The following EVI5 variants were observed in gnomAD, a reference collection of about 807,000 sequenced individuals.
EVI5 encodes ecotropic viral integration site 5.
A neutral mutation model predicts 112.0 loss-of-function variants in EVI5; 73 were observed. That is an observed-to-expected ratio of 0.65 (90% CI 0.54 to 0.79). EVI5 has a LOEUF of 0.79. Ranked by LOEUF, EVI5 falls within the 30% of genes least tolerant of loss-of-function variation. EVI5 has a pLI of 0.00. For missense variants in EVI5, 900 were observed against 968.8 expected, an observed-to-expected ratio of 0.93 and a Z score of 0.94; for synonymous variants, 305 against 319.9, an observed-to-expected ratio of 0.95 and a Z score of 0.50.
chr1:92,689,946 G>A (rs1195829341), intron 9 of EVI5, among the ~76,000 whole-genome samples: 2 of 152,184 alleles, frequency 1.3e-5, no homozygotes, highest in Non-Finnish European at 1.5e-5. Flanking sequence ...CTGGAGTGCA[G>A]TGCTGTGATC....
chr1:92,751,176 A>G (rs968993836), intron 1 of EVI5, among the ~76,000 whole-genome samples: 1 of 152,130 alleles, frequency 6.6e-6, no homozygotes, highest in Non-Finnish European at 1.5e-5. Context: ...AATAAAAAAC[A>G]TATTTTTGGT....
intron 9 of EVI5, among the ~76,000 whole-genome samples, chr1:92,685,267 A>T (rs7527835): frequency 0.92 from 140,191 of 152,200 alleles, 64,656 homozygotes; most frequent in East Asian, 0.97. Context: ...AAAACGCACA[A>T]CTATATGGAA....
chr1:92,547,285 G>GT (rs1379839951), intron 19 of EVI5, among the ~76,000 whole-genome samples: 4 of 152,156 alleles, frequency 2.6e-5, no homozygotes, highest in Non-Finnish European at 5.9e-5. Context: ...AAATAAAGAT[G>GT]TTCTTTGAAA....
chr1:92,756,698 A>AC (rs1225263181), intron 1 of EVI5: 1 of 492,980 alleles, frequency 2.0e-6, no homozygotes, highest in African/African-American at 2.0e-5. Flanking sequence ...CATAGACCTC[A>AC]CCGCTGTATC....
intron 18 of EVI5, among the ~76,000 whole-genome samples, chr1:92,566,952 G>C (rs922045186): frequency 1.8e-4 from 27 of 151,818 alleles, no homozygotes; most frequent in African/African-American, 6.5e-4. Flanking sequence ...GACTACAGAC[G>C]CACACCACCA....
chr1:92,610,266 C>G (rs1489479949), intron 16 of EVI5, among the ~76,000 whole-genome samples: 2 of 152,172 alleles, frequency 1.3e-5, no homozygotes, highest in Middle Eastern at 3.2e-3. Flanking sequence ...AAATGTATCA[C>G]AGCCTCTTTT....
intron 19 of EVI5, among the ~76,000 whole-genome samples, chr1:92,521,511 T>C (rs1018876002): frequency 2.0e-5 from 3 of 152,060 alleles, no homozygotes; most frequent in African/African-American, 7.2e-5. Flanking sequence ...GCCAACATGT[T>C]GAAACCCTGT....
At position 92,607,048 on chromosome 1, in the gene EVI5, G is replaced by A. The variant is rs549025114; in HGVS notation, c.1974+533C>T. On this transcript the variant is annotated intron_variant, in intron 17 of 19. Coordinates refer to ENST00000684568, the MANE Select transcript of EVI5 (RefSeq NM_001350197.2). ...CATTCAAATACTTTTGATGCTTTTTGAATCCAAACACTTCACAAAAAAGTA... is the reference window on the plus strand; with the variant it reads ...CATTCAAATACTTTTGATGCTTTTTAAATCCAAACACTTCACAAAAAAGTA... Among the ~76,000 whole-genome samples the A allele has an allele frequency of 8.6e-4, 131 of 151,846 alleles. 5 individuals are homozygous for A. Among genetic ancestry groups the A allele is most frequent in the Non-Finnish European group, 2.6e-4 (18 of 67,996 alleles).
chr1:92,721,681 A>T (rs1401893173), intron 2 of EVI5, among the ~76,000 whole-genome samples: 5 of 152,182 alleles, frequency 3.3e-5, no homozygotes, highest in African/African-American at 9.6e-5. Context: ...TATAACAATA[A>T]TTTTTTTTAA....
intron 17 of EVI5, 135 bp downstream of exon 17, chr1:92,607,446 A>G: frequency 1.6e-6 from 1 of 606,908 alleles, no homozygotes; most frequent in Non-Finnish European, 2.6e-6. Context: ...AACTACCAAA[A>G]CAAGTTCAGG....
In EVI5 at chr1:92,605,300, A is replaced by G. The variant is rs763753907; in HGVS notation, c.2070+7T>C. On this transcript the variant is annotated splice_region_variant and intron_variant, in intron 18 of 19. Coordinates refer to ENST00000684568, the MANE Select transcript of EVI5 (RefSeq NM_001350197.2). The stretch of plus-strand genomic sequence containing the variant: ...TTTACATGTACTTTATTATTTTCAT[A>G]TGGTACCTGGATTTCAAGCTCAGCA... 1.3e-6 allele frequency: 2 copies of G among 1,574,672 alleles called. No homozygotes were observed. Among genetic ancestry groups the G allele is most frequent in the Admixed American group, 3.4e-5 (2 of 59,584 alleles).
intron 1 of EVI5, among the ~76,000 whole-genome samples, chr1:92,750,335 G>A (rs115899141): frequency 6.6e-6 from 1 of 152,016 alleles, no homozygotes; most frequent in Non-Finnish European, 1.5e-5. Flanking sequence ...TACTTAAGAG[G>A]TTTATTTTAA....
chr1:92,779,365 A>G (rs965355752), intron 1 of EVI5, among the ~76,000 whole-genome samples: 3 of 152,142 alleles, frequency 2.0e-5, no homozygotes, highest in Non-Finnish European at 2.9e-5. Flanking sequence ...TCTACTAAAA[A>G]TACAAAAATT....
intron 13 of EVI5, among the ~76,000 whole-genome samples, chr1:92,647,918 T>A (rs2102016623): frequency 6.6e-6 from 1 of 151,758 alleles, no homozygotes; most frequent in African/African-American, 2.4e-5. Context: ...CTAAATTTTG[T>A]ATCTTTAGTA....
intron 1 of EVI5, among the ~76,000 whole-genome samples, chr1:92,762,365 T>C (rs915532971): frequency 7.2e-5 from 11 of 152,234 alleles, no homozygotes; most frequent in Non-Finnish European, 1.3e-4. Flanking sequence ...GACAAGACTT[T>C]AGATTCATTA....
At chr1:92,643,788 T>C (rs1660440657) in intron 13 of EVI5, among the ~76,000 whole-genome samples, 1 of 152,206 alleles carries the variant, frequency 6.6e-6, no homozygotes, top group East Asian at 1.9e-4. Flanking sequence ...CATAACTATA[T>C]AGCATATCAC....
chr1:92,526,383 A>G (rs947808301), intron 19 of EVI5, among the ~76,000 whole-genome samples: 7 of 152,196 alleles, frequency 4.6e-5, no homozygotes, highest in Admixed American at 1.3e-4. Flanking sequence ...CTAGCTAGAA[A>G]TTATCACATG....
rs1650752440 is a variant in EVI5, at chr1:92,607,705, A to C, written c.1850T>G (p.Leu617Arg). ...ETQNQINSNH[L>R]RRAEQEVISL... is the part of the protein sequence containing the mutation. ...AATCACCTCTTGTTCTGCTCTTCGA[A>C]GATGGTTACTATTGATCTGGTTCTA... is the stretch of plus-strand genomic sequence containing the variant. The change falls in exon 17 of 20, where the codon CTT (leucine) becomes CGT (arginine). Residue 617 changes from leucine to arginine, a missense_variant. Coordinates refer to ENST00000684568, the MANE Select transcript of EVI5 (RefSeq NM_001350197.2). 1 of 1,603,020 alleles carries C rather than the reference A, an allele frequency of 6.2e-7. No individual in the cohort carries two copies. Among genetic ancestry groups the C allele is most frequent in the Non-Finnish European group, 8.5e-7 (1 of 1,175,224 alleles).
rs1412054247 is a variant in EVI5 at position 92,513,921 on chromosome 1, T to C, written c.2216A>G (p.Asp739Gly). The change falls in exon 20 of 20, where the codon GAT becomes GGT. Residue 739 changes from aspartate to glycine, a missense_variant. Asp to Gly is a moderately conservative substitution (Grantham distance 94). Transcript: ENST00000684568. ...QRGFSGQPPF[D>G]GIHIVNHLIG... is the part of the protein sequence containing the mutation. ...TAAATGGTTGACAATGTGGATTCCATCAAAAGGAGGTTGGCCTGAGAAGCC... is the reference window on the plus strand; with the variant it reads ...TAAATGGTTGACAATGTGGATTCCACCAAAAGGAGGTTGGCCTGAGAAGCC... 1 of 1,596,954 alleles carries C rather than the reference T, an allele frequency of 6.3e-7. No homozygotes were observed. The highest frequency in any genetic ancestry group is 8.6e-7 in the Non-Finnish European group (1 of 1,168,832).
Sources: allele counts gnomAD v4.1 joint callset (sites outside exome capture counted in the v4.1 genomes callset), GRCh38; gene constraint gnomAD v4.1.1; transcripts MANE v1.5; gene names NCBI Gene and HGNC (gene_info 2026-07-23, HGNC 2026-07-21).